The following ATAD2B variants were observed in gnomAD, a reference collection of about 807,000 sequenced individuals.
ATAD2B encodes ATPase family AAA domain-containing protein 2B.
A neutral mutation model predicts 167.6 loss-of-function variants in ATAD2B; 40 were observed. The ratio of observed to expected loss-of-function variants is 0.24; its 90% CI spans 0.19 to 0.31. The LOEUF is 0.31. Ranked by LOEUF, ATAD2B falls within the 10% of genes least tolerant of loss-of-function variation. The probability of loss-of-function intolerance (pLI) is 1.00; values close to 1 mark genes in which losing one functional copy is unlikely to be tolerated. For synonymous variants in ATAD2B, 579 were observed against 596.5 expected (o/e 0.97, Z 0.43); for missense variants, 1,242 against 1,757.2 (o/e 0.71, Z 5.24).
chr2:23,872,681 G>A (rs1696187702), intron 8 of ATAD2B: 1 of 1,321,342 alleles, frequency 7.6e-7, no homozygotes, highest in Non-Finnish European at 1.1e-6. Flanking sequence ...CTTCACCTGG[G>A]CCTCACCATG....
chr2:23,723,633 T>C, the ATAD2B span, among the ~76,000 whole-genome samples: 1,629 of 152,236 alleles, frequency 0.011, 15 homozygotes, highest in Middle Eastern at 0.031. Context: ...ACTGAGGATG[T>C]AGAGAAAAGG....
At chr2:23,782,749 T>G in intron 22 of ATAD2B, 120 bp downstream of exon 22, 1 of 758,116 alleles carries the variant, frequency 1.3e-6, no homozygotes, top group South Asian at 2.2e-5. Context: ...TATTGAGAAG[T>G]TTTGAAAAAC....
At chr2:23,705,799 C>T in the ATAD2B span, among the ~76,000 whole-genome samples, 5 of 152,056 alleles carry the variant, frequency 3.3e-5, no homozygotes, top group African/African-American at 9.7e-5. Flanking sequence ...AGGATGTGGA[C>T]GTCAGTGCAA....
In ATAD2B at chr2:23,885,816, C is replaced by A. The variant is rs768977679; in HGVS notation, c.586G>T (p.Val196Leu). 1.7e-5 allele frequency: 27 copies of A among 1,577,688 alleles called. No individual in the cohort carries two copies. The highest frequency in any genetic ancestry group is 2.2e-5 in the Non-Finnish European group (26 of 1,157,756). The change falls in exon 5 of 28, where the codon GTA becomes TTA. Residue 196 changes from valine (V) to leucine (L), a missense_variant. Val to Leu is a conservative substitution (Grantham distance 32, BLOSUM62 1). Coordinates refer to ENST00000238789, the MANE Select transcript of ATAD2B (RefSeq NM_017552.4). ...TTAATGTTGTCCATTTCCTGTAGTACAGCTTCAGCAGTGCTACAATCACAT... is the reference window on the plus strand; with the variant it reads ...TTAATGTTGTCCATTTCCTGTAGTAAAGCTTCAGCAGTGCTACAATCACAT... ...DQLVNSTAEA[V>L]LQEMDNINIR... is the part of the protein sequence containing the mutation.
chr2:23,755,505 C>A (rs189459039), intron 25 of ATAD2B, among the ~76,000 whole-genome samples: 138 of 152,168 alleles, frequency 9.1e-4, no homozygotes, highest in Non-Finnish European at 4.4e-5. Context: ...ACCATGGAGC[C>A]CTGTGCTCCC....
At chr2:23,877,763 G>A (rs1329091296) in intron 7 of ATAD2B, among the ~76,000 whole-genome samples, 1 of 150,738 alleles carries the variant, frequency 6.6e-6, no homozygotes, top group East Asian at 2.0e-4. Context: ...GGGAGGCTGA[G>A]GCAGGAGAAT....
Position 23,810,369 on chromosome 2 carries a change from G to T in ATAD2B, c.2401C>A (p.Leu801Ile). ...GCACTAACTGAATAAAGTGCTGGGA[G>T]ATCTAGTCTATGCACAGAGAATCTT... ...LERFSVHRLD[L>I]PALYSVSAKT... The change falls in exon 18 of 28, where the codon CTC becomes ATC. Residue 801 changes from leucine (L) to isoleucine (I), a missense_variant. Transcript: ENST00000238789. The T allele has an allele frequency of 6.2e-7, 1 of 1,613,978 alleles. No individual in the cohort carries two copies. Among genetic ancestry groups the T allele is most frequent in the Non-Finnish European group, 8.5e-7 (1 of 1,179,880 alleles).
the ATAD2B span, chr2:23,696,642 G>T: frequency 1.3e-5 from 9 of 704,424 alleles, no homozygotes; most frequent in African/African-American, 3.6e-5. This position sits in a 1 kb window ranked among gnomAD's most constrained non-coding sequence, Gnocchi z 5.5. Context: ...CATATGGGCA[G>T]TCATCCCAGG....
the ATAD2B span, among the ~76,000 whole-genome samples, chr2:23,718,497 G>T: frequency 2.0e-5 from 3 of 152,300 alleles, no homozygotes; most frequent in East Asian, 3.9e-4. Context: ...ATCCTGAGCT[G>T]CCCATGTGTA....
the ATAD2B span, among the ~76,000 whole-genome samples, chr2:23,709,261 C>T: frequency 6.6e-6 from 1 of 152,186 alleles, no homozygotes; most frequent in Non-Finnish European, 1.5e-5. Context: ...AGGGTGGTCT[C>T]GAACTCCCAA....
chr2:23,721,545 G>T, the ATAD2B span, among the ~76,000 whole-genome samples: 1 of 152,136 alleles, frequency 6.6e-6, no homozygotes. Flanking sequence ...CTAAGAAACA[G>T]CCCCATGAGC....
At chr2:23,724,137 A>G in the ATAD2B span, among the ~76,000 whole-genome samples, 5 of 152,218 alleles carry the variant, frequency 3.3e-5, no homozygotes, top group African/African-American at 1.2e-4. Flanking sequence ...GAGGGAAGGG[A>G]GGAATAGGGA....
intron 1 of ATAD2B, among the ~76,000 whole-genome samples, chr2:23,903,525 A>G (rs937306118): frequency 6.6e-6 from 1 of 152,218 alleles, no homozygotes; most frequent in African/African-American, 2.4e-5. Flanking sequence ...TGACTTTTAC[A>G]GTCCCTTAAA....
chr2:23,876,162 T>A (rs1210044971), intron 7 of ATAD2B, among the ~76,000 whole-genome samples: 43 of 138,218 alleles, frequency 3.1e-4, no homozygotes, highest in Middle Eastern at 4.9e-3. Flanking sequence ...CCCAGCTAAT[T>A]TTTGTATTTT....
chr2:23,758,799 C>G (rs984566302), intron 24 of ATAD2B, among the ~76,000 whole-genome samples: 1 of 152,096 alleles, frequency 6.6e-6, no homozygotes, highest in Non-Finnish European at 1.5e-5. Flanking sequence ...ATCAAGGCAA[C>G]AACAACAACA....
At chr2:23,863,660 T>TA in intron 11 of ATAD2B, 105 bp from the exon 12 acceptor site, 1 of 1,067,876 alleles carries the variant, frequency 9.4e-7, no homozygotes, top group Non-Finnish European at 1.3e-6. Flanking sequence ...TATTGAAGTA[T>TA]AATTATTAGA....
intron 22 of ATAD2B, among the ~76,000 whole-genome samples, chr2:23,767,774 T>C (rs532640197): frequency 1.3e-5 from 2 of 152,234 alleles, no homozygotes; most frequent in African/African-American, 4.8e-5. Flanking sequence ...AAATGTGCTC[T>C]CAATGACACA....
chr2:23,859,996 G>A (rs1694091067), intron 12 of ATAD2B, among the ~76,000 whole-genome samples: 1 of 152,040 alleles, frequency 6.6e-6, no homozygotes, highest in African/African-American at 2.4e-5. Context: ...GGTATTGGGA[G>A]GTAGGACCTT....
At chr2:23,854,678 C>CAAAA (rs796112621) in intron 13 of ATAD2B, among the ~76,000 whole-genome samples, 1 of 75,574 alleles carries the variant, frequency 1.3e-5, no homozygotes, top group Non-Finnish European at 2.6e-5. Context: ...GACTTCGTCT[C>CAAAA]AAAAAAAAAA....
Sources: gnomAD v4.1 joint callset for allele counts (sites outside exome capture counted in the v4.1 genomes callset) on GRCh38, gnomAD v4.1.1 for gene constraint, Gnocchi (gnomAD v3.1) non-coding constraint, MANE v1.5 for transcripts, NCBI Gene and HGNC (gene_info 2026-07-23, HGNC 2026-07-21) for gene names.